Variants in NDUFS4 observed in about 807,000 individuals in gnomAD.
NDUFS4 encodes NADH:ubiquinone oxidoreductase subunit S4, also known as NADH dehydrogenase [ubiquinone] iron-sulfur protein 4, mitochondrial.
Under a neutral mutation model 24.3 loss-of-function variants are expected in NDUFS4, and 28 were observed. That is an observed-to-expected ratio of 1.15 (90% CI 0.85 to 1.58). The LOEUF (loss-of-function observed/expected upper bound fraction) is 1.58, where lower values mean the gene tolerates loss of function less well. NDUFS4 is among the 40% of genes most tolerant of loss of function. The probability of loss-of-function intolerance (pLI) is 0.00; values close to 1 mark genes in which losing one functional copy is unlikely to be tolerated. For synonymous variants in NDUFS4, 93 were observed against 69.7 expected (o/e 1.34, Z -1.67); for missense variants, 223 against 207.9 (o/e 1.07, Z -0.45).
At chr5:53,586,053 G>A (rs772515096) in intron 1 of NDUFS4, among the ~76,000 whole-genome samples, 8 of 152,074 alleles carry the variant, frequency 5.3e-5, no homozygotes, top group Non-Finnish European at 8.8e-5. Flanking sequence ...TATCGGCCAG[G>A]TGCAGTGGCT....
At position 53,580,464 on chromosome 5, in the gene NDUFS4, C is replaced by A. The variant is rs191869285; in HGVS notation, c.98+19704C>A. On this transcript the variant is annotated intron_variant, in intron 1 of 4. Transcript: ENST00000296684. ...TGATTTTTGCTATTTGCAGTTGTTG[C>A]CTAACACTGACTTTAGGACCTGCTC... Among the ~76,000 whole-genome samples the A allele has an allele frequency of 1.2e-4, 18 of 152,238 alleles. 1 individual carries two copies. In the East Asian group the frequency reaches 3.5e-3, roughly 29 times the overall value.
intron 1 of NDUFS4, among the ~76,000 whole-genome samples, chr5:53,564,024 C>G (rs1748942652): frequency 6.6e-6 from 1 of 152,182 alleles, no homozygotes; most frequent in South Asian, 2.1e-4. Flanking sequence ...GTGTTTTCCT[C>G]AAACAAGTCC....
At chr5:53,581,338 T>C (rs773964156) in intron 1 of NDUFS4, among the ~76,000 whole-genome samples, 4 of 152,158 alleles carry the variant, frequency 2.6e-5, no homozygotes, top group Non-Finnish European at 5.9e-5. Flanking sequence ...GATCTCCCTC[T>C]CATCAGTCTC....
At chr5:53,596,088 TG>T (rs1255009064) in intron 1 of NDUFS4, among the ~76,000 whole-genome samples, 1 of 152,162 alleles carries the variant, frequency 6.6e-6, no homozygotes, top group Non-Finnish European at 1.5e-5. Context: ...AAAGCATTTG[TG>T]GGTTCTTTTC....
intron 3 of NDUFS4, among the ~76,000 whole-genome samples, chr5:53,648,587 G>A (rs1751927882): frequency 6.6e-6 from 1 of 152,178 alleles, no homozygotes; most frequent in African/African-American, 2.4e-5. Flanking sequence ...GCATCTGTAA[G>A]AATGGTCATA....
intron 4 of NDUFS4, among the ~76,000 whole-genome samples, chr5:53,678,016 T>C (rs1740532313): frequency 6.6e-6 from 1 of 152,204 alleles, no homozygotes; most frequent in Non-Finnish European, 1.5e-5. Flanking sequence ...GAAATGATTC[T>C]GTATAAAAAT....
intron 3 of NDUFS4, among the ~76,000 whole-genome samples, chr5:53,654,117 T>C (rs578035656): frequency 6.6e-6 from 1 of 152,270 alleles, no homozygotes; most frequent in Non-Finnish European, 1.5e-5. Context: ...TTTTCTTCTT[T>C]AGCAGAAATG....
chr5:53,581,393 C>A (rs1749564189), intron 1 of NDUFS4, among the ~76,000 whole-genome samples: 1 of 152,148 alleles, frequency 6.6e-6, no homozygotes, highest in Non-Finnish European at 1.5e-5. Context: ...GTCTAAACTT[C>A]CCAGCATGCC....
In NDUFS4 at chr5:53,563,243, A is replaced by AC. The variant is rs1342522959; in HGVS notation, c.98+2483_98+2484insC. ...GACTGTGTCTCAAAAAAACAAAAAA[A>AC]AAAAAAAAAAAGAAAAGGAAGGATG... On this transcript the variant is annotated intron_variant, in intron 1 of 4. Transcript: ENST00000296684. Among the ~76,000 whole-genome samples, 107 of 150,914 alleles carry AC rather than the reference A, an allele frequency of 7.1e-4. 2 individuals carry two copies. Among genetic ancestry groups the AC allele is most frequent in the Admixed American group, 2.2e-3 (33 of 15,166 alleles).
chr5:53,644,910 G>A (rs1050605316), intron 2 of NDUFS4, among the ~76,000 whole-genome samples: 1 of 152,092 alleles, frequency 6.6e-6, no homozygotes, highest in African/African-American at 2.4e-5. Flanking sequence ...CTTGTGGATA[G>A]AGATAATAGT....
Position 53,591,844 on chromosome 5 carries a change from A to C in NDUFS4, c.99-11608A>C, listed in dbSNP as rs1182045400. On this transcript the variant is annotated intron_variant, in intron 1 of 4. Transcript: ENST00000296684. ...ATATTGAGCACTTTTTCATATACTT[A>C]TTTATCATCTGTATATCTTCTTTGG... 3.3e-5 allele frequency among the ~76,000 whole-genome samples: 5 copies of C among 152,050 alleles called. No homozygotes were observed. The South Asian group carries it at 1.0e-3, about 32-fold the overall frequency.
At chr5:53,596,111 C>T (rs1296104863) in intron 1 of NDUFS4, among the ~76,000 whole-genome samples, 1 of 152,038 alleles carries the variant, frequency 6.6e-6, no homozygotes, top group Non-Finnish European at 1.5e-5. Flanking sequence ...TTTACTTTTA[C>T]TCAGTCTGTC....
In NDUFS4 at chr5:53,682,943, AG is replaced by A. The variant is rs530959979; in HGVS notation, c.425-174del. Among the ~76,000 whole-genome samples the A allele has an allele frequency of 0.037, 2,259 of 60,792 alleles. 69 individuals are homozygous for A. Among genetic ancestry groups the A allele is most frequent in the African/African-American group, 0.14 (2,171 of 15,750 alleles). 39.9% of individuals were successfully genotyped at this position (60,792 alleles called of 152,430 possible). ...GCAATCTTTTGGACCCTTTTCTCAC[AG>A]AGGATTGATTATAAGGGAACAAATA... On this transcript the variant is annotated intron_variant, in intron 4 of 4. Coordinates refer to ENST00000296684, the MANE Select transcript of NDUFS4 (RefSeq NM_002495.4).
chr5:53,655,212 A>T (rs1478672419), intron 3 of NDUFS4, among the ~76,000 whole-genome samples: 1 of 152,206 alleles, frequency 6.6e-6, no homozygotes, highest in Non-Finnish European at 1.5e-5. Flanking sequence ...AATTTTTACA[A>T]CCGGAACACA....
intron 1 of NDUFS4, among the ~76,000 whole-genome samples, chr5:53,565,479 T>C (rs1036704807): frequency 2.0e-5 from 3 of 152,250 alleles, no homozygotes; most frequent in South Asian, 2.1e-4. Flanking sequence ...ATGGCTTGCA[T>C]GTAGCAGGTA....
chr5:53,568,122 A>G (rs1278873329), intron 1 of NDUFS4, among the ~76,000 whole-genome samples: 2 of 152,170 alleles, frequency 1.3e-5, no homozygotes, highest in African/African-American at 4.8e-5. Flanking sequence ...TTTGGTAGGT[A>G]AATATGACTT....
At chr5:53,591,766 C>G (rs1002689584) in intron 1 of NDUFS4, among the ~76,000 whole-genome samples, 1 of 152,148 alleles carries the variant, frequency 6.6e-6, no homozygotes, top group Non-Finnish European at 1.5e-5. Flanking sequence ...TTTAGCCATT[C>G]TAATAGGTGT....
At chr5:53,656,628 G>T (rs1752167169) in intron 3 of NDUFS4, among the ~76,000 whole-genome samples, 1 of 152,182 alleles carries the variant, frequency 6.6e-6, no homozygotes, top group Non-Finnish European at 1.5e-5. Flanking sequence ...CTTCTCAGGG[G>T]AGTAATTAAA....
intron 3 of NDUFS4, among the ~76,000 whole-genome samples, chr5:53,653,093 T>C (rs1752063787): frequency 6.6e-6 from 1 of 152,212 alleles, no homozygotes; most frequent in African/African-American, 2.4e-5. Context: ...TCAGTGATCA[T>C]TGGACTCAGT....
Sources: gnomAD v4.1 joint callset for allele counts (sites outside exome capture counted in the v4.1 genomes callset) on GRCh38, gnomAD v4.1.1 for gene constraint, MANE v1.5 for transcripts, NCBI Gene and HGNC (gene_info 2026-07-23, HGNC 2026-07-21) for gene names.